ALCAM: variants seen among roughly 807,000 people sequenced by gnomAD.
ALCAM encodes CD166 antigen.
A neutral mutation model predicts 70.9 loss-of-function variants in ALCAM; 30 were observed. The observed-to-expected ratio is 0.42, with a 90% CI of 0.32 to 0.57. The LOEUF (loss-of-function observed/expected upper bound fraction) is 0.57. Ranked by LOEUF, ALCAM falls within the 20% of genes least tolerant of loss-of-function variation. The probability of loss-of-function intolerance (pLI) is 0.11; values close to 1 mark genes in which losing one functional copy is unlikely to be tolerated. For synonymous variants in ALCAM, 249 were observed against 242.5 expected (o/e 1.03, Z -0.25); for missense variants, 591 against 695.1 (o/e 0.85, Z 1.68).
chr3:105,410,762 A>G lies in ALCAM; in HGVS notation c.73+43281A>G, dbSNP rs559043783. On this transcript the variant is annotated intron_variant, in intron 1 of 15. Coordinates refer to ENST00000306107, the MANE Select transcript of ALCAM (RefSeq NM_001627.4). ...CTTAAATTGCTTCATCTGTGAAAAA[A>G]TGTTTGATGAATGCAGTACTCTCTT... 3.6e-3 allele frequency among the ~76,000 whole-genome samples: 555 copies of G among 152,160 alleles called. 7 individuals are homozygous for G. The highest frequency in any genetic ancestry group is 6.8e-3 in the Middle Eastern group (2 of 294).
intron 14 of ALCAM, among the ~76,000 whole-genome samples, chr3:105,562,020 A>T (rs1279935774): frequency 6.6e-6 from 1 of 152,202 alleles, no homozygotes; most frequent in Non-Finnish European, 1.5e-5. Context: ...TCTCCTCCTC[A>T]GGTCAGGCTG....
chr3:105,376,764 C>G (rs1375790899), intron 1 of ALCAM, among the ~76,000 whole-genome samples: 1 of 152,130 alleles, frequency 6.6e-6, no homozygotes, highest in Non-Finnish European at 1.5e-5. Flanking sequence ...GATATCTGAG[C>G]TACGTGCTGA....
chr3:105,572,518 A>G (rs1940880887), intron 15 of ALCAM, among the ~76,000 whole-genome samples: 1 of 152,124 alleles, frequency 6.6e-6, no homozygotes. Flanking sequence ...AGTCTTTGCT[A>G]TTGTGAACAG....
chr3:105,367,424 G>A lies in ALCAM; in HGVS notation c.16G>A (p.Ala6Thr). Residue 6 changes from alanine to threonine, a missense_variant, in exon 1 of 16, where the codon GCC (alanine) becomes ACC (threonine). Ala to Thr is a moderately conservative substitution (Grantham distance 58). Transcript: ENST00000306107. ...GAGGAGGAATATGGAATCCAAGGGG[G>A]CCAGTTCCTGCCGTCTGCTCTTCTG... MESKG[A>T]SSCRLLFCLL... The A allele has an allele frequency of 3.1e-6, 5 of 1,613,984 alleles. No homozygotes were observed. The highest frequency in any genetic ancestry group is 4.2e-6 in the Non-Finnish European group (5 of 1,179,902).
chr3:105,551,724 A>G (rs1576237716), intron 12 of ALCAM, among the ~76,000 whole-genome samples: 2 of 151,558 alleles, frequency 1.3e-5, no homozygotes, highest in East Asian at 3.9e-4. Flanking sequence ...AGTCCTTGAC[A>G]CTGGAGGATG....
chr3:105,441,437 T>C (rs1937167928), intron 1 of ALCAM, among the ~76,000 whole-genome samples: 1 of 152,200 alleles, frequency 6.6e-6, no homozygotes, highest in Non-Finnish European at 1.5e-5. Context: ...GCCACCTTAT[T>C]CATTATGTAT....
At chr3:105,393,207 T>C (rs911713108) in intron 1 of ALCAM, among the ~76,000 whole-genome samples, 5 of 151,766 alleles carry the variant, frequency 3.3e-5, no homozygotes, top group African/African-American at 1.2e-4. Flanking sequence ...AGTCTATGTT[T>C]AAGTTAAATC....
At position 105,545,315 on chromosome 3, in the gene ALCAM, G is replaced by A; in HGVS notation, c.1084G>A (p.Ala362Thr). ...ATGCACAATATCTGCTAGCAGGAAT[G>A]CAACTGTGGTATGGATGAAAGTAAG... ...VSCTISASRN[A>T]TVVWMKDNIR... Residue 362 changes from alanine (A) to threonine (T), a missense_variant, in exon 9 of 16, where the codon GCA becomes ACA. Ala to Thr is a moderately conservative substitution (Grantham distance 58). This residue lies in a region of ALCAM where 427 missense variants were observed against 450.4 expected (regional missense o/e 0.95). Transcript: ENST00000306107. The A allele has an allele frequency of 6.2e-7, 1 of 1,607,678 alleles. No individual in the cohort carries two copies. Among genetic ancestry groups the A allele is most frequent in the Non-Finnish European group, 8.5e-7 (1 of 1,175,176 alleles).
chr3:105,528,736 G>A (rs957777823), intron 3 of ALCAM, among the ~76,000 whole-genome samples: 95 of 152,148 alleles, frequency 6.2e-4, no homozygotes, highest in African/African-American at 2.2e-3. Flanking sequence ...TCAGAGGGAG[G>A]AGGGTAGGAA....
At chr3:105,368,064 T>C (rs2107309941) in intron 1 of ALCAM, among the ~76,000 whole-genome samples, 1 of 151,764 alleles carries the variant, frequency 6.6e-6, no homozygotes, top group Admixed American at 6.6e-5. Flanking sequence ...TCCCCGTCCA[T>C]TGTCTGGGCG....
intron 1 of ALCAM, among the ~76,000 whole-genome samples, chr3:105,469,855 T>C (rs1937871007): frequency 1.3e-5 from 2 of 150,960 alleles, no homozygotes; most frequent in Admixed American, 6.6e-5. Flanking sequence ...AATCTTTTTC[T>C]TACTGTTCTA....
intron 1 of ALCAM, among the ~76,000 whole-genome samples, chr3:105,424,698 A>G (rs558647347): frequency 2.0e-5 from 3 of 151,906 alleles, no homozygotes; most frequent in African/African-American, 7.2e-5. Flanking sequence ...GGACAAGATT[A>G]GCAAGACAAG....
chr3:105,367,300 G>A lies in ALCAM; in HGVS notation c.-109G>A. 5 of 1,056,204 alleles carry A rather than the reference G, an allele frequency of 4.7e-6. No individual in the cohort carries two copies. The highest frequency in any genetic ancestry group is 1.4e-5 in the South Asian group (1 of 71,190). 65.4% of individuals were successfully genotyped at this position (1,056,204 alleles called of 1,614,324 possible). Reference sequence around the variant, plus strand: ...GGGGACGGTGTGTCTGGGAGAAGACGCTGCCCCTGCGTCGGGACCCGCCAG... The same window carrying A: ...GGGGACGGTGTGTCTGGGAGAAGACACTGCCCCTGCGTCGGGACCCGCCAG... On this transcript the variant is annotated 5_prime_UTR_variant, in exon 1 of 16. Transcript: ENST00000306107.
intron 1 of ALCAM, among the ~76,000 whole-genome samples, chr3:105,440,100 A>G (rs921553152): frequency 1.3e-5 from 2 of 152,200 alleles, no homozygotes; most frequent in African/African-American, 4.8e-5. Flanking sequence ...GAACTCTACT[A>G]ATCAATGAAA....
At chr3:105,473,833 C>A (rs544199801) in intron 1 of ALCAM, among the ~76,000 whole-genome samples, 1 of 151,608 alleles carries the variant, frequency 6.6e-6, no homozygotes, top group African/African-American at 2.4e-5. Context: ...TCAATTAAGC[C>A]ACTAGACAAT....
intron 6 of ALCAM, among the ~76,000 whole-genome samples, chr3:105,536,154 C>T (rs1198559611): frequency 2.0e-5 from 3 of 149,912 alleles, no homozygotes; most frequent in African/African-American, 7.4e-5. Flanking sequence ...AGTGCAGTGG[C>T]GTAATCTCAG....
At chr3:105,426,653 A>C (rs368559249) in intron 1 of ALCAM, among the ~76,000 whole-genome samples, 1 of 151,942 alleles carries the variant, frequency 6.6e-6, no homozygotes, top group Non-Finnish European at 1.5e-5. Context: ...ATATCTCTAC[A>C]AGTGTTTTTC....
At chr3:105,406,398 G>T (rs1936233202) in intron 1 of ALCAM, among the ~76,000 whole-genome samples, 1 of 152,122 alleles carries the variant, frequency 6.6e-6, no homozygotes, top group Non-Finnish European at 1.5e-5. Flanking sequence ...AACTCCTGAT[G>T]GGCTTTTTGT....
chr3:105,542,550 G>A (rs897264298), intron 8 of ALCAM, among the ~76,000 whole-genome samples: 5 of 151,756 alleles, frequency 3.3e-5, no homozygotes, highest in African/African-American at 1.2e-4. Flanking sequence ...TAGAGGTATA[G>A]TACAAACTTC....
Sources: gnomAD v4.1 joint callset for allele counts (sites outside exome capture counted in the v4.1 genomes callset) on GRCh38, gnomAD v4.1.1 for gene constraint, gnomAD v4.1.1 regional missense constraint, MANE v1.5 for transcripts, NCBI Gene and HGNC (gene_info 2026-07-23, HGNC 2026-07-21) for gene names.